Variants in HIP1 observed in about 807,000 individuals in gnomAD.
The protein encoded by HIP1 is huntingtin interacting protein 1.
In HIP1, 65 loss-of-function variants were observed where a neutral mutation model predicts 147.6. The ratio of observed to expected loss-of-function variants is 0.44; its 90% CI spans 0.36 to 0.54. The LOEUF (loss-of-function observed/expected upper bound fraction) is 0.54. HIP1 is among the 20% of genes least tolerant of loss of function. The pLI is 0.00. For synonymous variants in HIP1, 479 were observed against 504.0 expected, an observed-to-expected ratio of 0.95 and a Z score of 0.67; for missense variants, 1,061 against 1,299.6, an observed-to-expected ratio of 0.82 and a Z score of 2.82.
chr7:75,686,369 G>C (rs564037491), intron 1 of HIP1, among the ~76,000 whole-genome samples: 2 of 151,976 alleles, frequency 1.3e-5, no homozygotes, highest in African/African-American at 4.8e-5. Flanking sequence ...TTTGGTTTTC[G>C]CAGTTAGGCC....
rs1795162170 is a variant in HIP1, at chr7:75,559,915, T to C, written c.1192A>G (p.Ser398Gly). The C allele has an allele frequency of 3.1e-6, 5 of 1,598,256 alleles. No individual in the cohort carries two copies. Among genetic ancestry groups the C allele is most frequent in the Middle Eastern group, 3.6e-4 (2 of 5,562 alleles). ...KAQLENMKTESQRVVLQLKGH... is the reference protein window; with the variant it reads ...KAQLENMKTEGQRVVLQLKGH... ...TTCAGCTGCAGCACAACCCGCTGGC[T>C]CTGTGGGGGGACTCCGGTCATGAGG... Residue 398 changes from serine (S) to glycine (G), a missense_variant and splice_region_variant, in exon 14 of 31, where the codon AGC becomes GGC. By Grantham distance (56) the Ser-to-Gly change is moderately conservative. Around this residue, in one of 3 missense-constraint regions of HIP1, gnomAD observed 810 missense variants for 946.8 expected, o/e 0.86. Transcript: ENST00000336926.
chr7:75,593,028 G>T (rs1220704975), intron 2 of HIP1, among the ~76,000 whole-genome samples: 1 of 152,154 alleles, frequency 6.6e-6, no homozygotes, highest in Non-Finnish European at 1.5e-5. Flanking sequence ...GAGTGCAGTG[G>T]TGTGATCATA....
intron 1 of HIP1, among the ~76,000 whole-genome samples, chr7:75,631,334 C>T (rs1798212449): frequency 1.3e-5 from 2 of 152,090 alleles, no homozygotes; most frequent in African/African-American, 4.8e-5. Context: ...CACCAACCTG[C>T]CTTAGAAGCG....
intron 21 of HIP1, among the ~76,000 whole-genome samples, chr7:75,553,824 G>C (rs753786598): frequency 6.6e-6 from 1 of 152,076 alleles, no homozygotes; most frequent in Admixed American, 6.6e-5. Context: ...GGCTGGTCTC[G>C]AACTCCTGAC....
chr7:75,664,541 CAT>C (rs1344930179), intron 1 of HIP1, among the ~76,000 whole-genome samples: 3 of 149,166 alleles, frequency 2.0e-5, no homozygotes, highest in Non-Finnish European at 3.0e-5. Context: ...CATATATACA[CAT>C]ACATATATAT....
At chr7:75,546,429 G>A (rs935678624) in intron 25 of HIP1, among the ~76,000 whole-genome samples, 17 of 152,166 alleles carry the variant, frequency 1.1e-4, no homozygotes, top group Admixed American at 9.8e-4. Context: ...TACGCCTCCC[G>A]AGCTGCGGCG....
chr7:75,732,538 T>TATTAG (rs1801870463), intron 1 of HIP1, among the ~76,000 whole-genome samples: 1 of 152,000 alleles, frequency 6.6e-6, no homozygotes, highest in South Asian at 2.1e-4. Flanking sequence ...CCCAGCTAAT[T>TATTAG]ATTTGATTTG....
intron 22 of HIP1, among the ~76,000 whole-genome samples, chr7:75,551,399 G>A (rs138780411): frequency 6.6e-6 from 1 of 151,492 alleles, no homozygotes; most frequent in Admixed American, 6.6e-5. Flanking sequence ...ATTTTTAATA[G>A]AGATGGAGTT....
intron 27 of HIP1, among the ~76,000 whole-genome samples, chr7:75,543,618 C>T (rs10953792): frequency 0.72 from 109,711 of 151,998 alleles, 40,303 homozygotes; most frequent in African/African-American, 0.8. Flanking sequence ...ATTACAGGAG[C>T]GAGCCATCGT....
chr7:75,641,419 A>ACAATCT (rs1798650766), intron 1 of HIP1, among the ~76,000 whole-genome samples: 1 of 148,620 alleles, frequency 6.7e-6, no homozygotes, highest in African/African-American at 2.5e-5. Context: ...CACCATGCTC[A>ACAATCT]GTCTTCCCTC....
At chr7:75,551,223 T>C (rs1180732662) in intron 22 of HIP1, among the ~76,000 whole-genome samples, 1 of 106,146 alleles carries the variant, frequency 9.4e-6, no homozygotes, top group Admixed American at 1.1e-4. Context: ...TTTGAGGCAG[T>C]GTCTCACTCT....
Position 75,610,019 on chromosome 7 carries a change from C to T in HIP1, c.121-10772G>A, listed in dbSNP as rs1242390413. On this transcript the variant is annotated intron_variant, in intron 1 of 30. Coordinates refer to ENST00000336926, the MANE Select transcript of HIP1 (RefSeq NM_005338.7). ...CTGAATTCAAGTGATTCTCCTGCCTCAGCCTCCGGAGTAGCTGGGATTATA... is the reference window on the plus strand; with the variant it reads ...CTGAATTCAAGTGATTCTCCTGCCTTAGCCTCCGGAGTAGCTGGGATTATA... Among the ~76,000 whole-genome samples, 7 of 151,190 alleles carry T rather than the reference C, an allele frequency of 4.6e-5. No individual in the cohort carries two copies. In the East Asian group the frequency reaches 1.4e-3, roughly 29 times the overall value.
At chr7:75,558,477 A>G (rs138879714) in intron 14 of HIP1, among the ~76,000 whole-genome samples, 239 of 152,218 alleles carry the variant, frequency 1.6e-3, no homozygotes, top group African/African-American at 5.7e-3. Flanking sequence ...AGCTGGGTTC[A>G]TGGGCACACG....
intron 1 of HIP1, among the ~76,000 whole-genome samples, chr7:75,611,052 C>G (rs1797414145): frequency 6.7e-6 from 1 of 149,154 alleles, no homozygotes; most frequent in South Asian, 2.1e-4. Context: ...ATTACAGGTG[C>G]CCGCCACCAT....
intron 1 of HIP1, among the ~76,000 whole-genome samples, chr7:75,603,829 C>G (rs587638129): frequency 6.6e-6 from 1 of 151,620 alleles, no homozygotes; most frequent in South Asian, 2.1e-4. Context: ...GCCGTGATCG[C>G]CCCCACTGCA....
chr7:75,735,876 T>TG (rs1418017433), intron 1 of HIP1, among the ~76,000 whole-genome samples: 1 of 151,884 alleles, frequency 6.6e-6, no homozygotes, highest in African/African-American at 2.4e-5. Context: ...TTTGTAGAGA[T>TG]GGGGTCTTAC....
intron 1 of HIP1, among the ~76,000 whole-genome samples, chr7:75,680,563 T>A (rs1800029609): frequency 6.6e-6 from 1 of 152,164 alleles, no homozygotes; most frequent in Non-Finnish European, 1.5e-5. Flanking sequence ...TTCATCTGCT[T>A]CCAAACCTTT....
intron 7 of HIP1, among the ~76,000 whole-genome samples, chr7:75,575,533 T>C (rs1220075553): frequency 6.6e-6 from 1 of 152,092 alleles, no homozygotes; most frequent in African/African-American, 2.4e-5. Flanking sequence ...AAGGAAGATA[T>C]GTCAGGGTTC....
chr7:75,623,316 G>A (rs1242784324), intron 1 of HIP1, among the ~76,000 whole-genome samples: 1 of 151,938 alleles, frequency 6.6e-6, no homozygotes, highest in Non-Finnish European at 1.5e-5. Context: ...TTTCTGCTGT[G>A]AAGAGGGACA....
Sources: gnomAD v4.1 joint callset for allele counts (sites outside exome capture counted in the v4.1 genomes callset) on GRCh38, gnomAD v4.1.1 for gene constraint, gnomAD v4.1.1 regional missense constraint, MANE v1.5 for transcripts, NCBI Gene and HGNC (gene_info 2026-07-23, HGNC 2026-07-21) for gene names.